LRRIQ1: variants seen among roughly 807,000 people sequenced by gnomAD.
LRRIQ1 encodes the protein leucine rich repeats and IQ motif containing 1.
Under a neutral mutation model 211.9 loss-of-function variants are expected in LRRIQ1, and 210 were observed. The observed-to-expected ratio is 0.99, with a 90% CI of 0.89 to 1.11. LRRIQ1 has a LOEUF of 1.11. LRRIQ1 is among the 50% of genes most tolerant of loss of function. LRRIQ1 has a pLI of 0.00. For missense variants in LRRIQ1, 2,136 were observed against 1,939.5 expected, an observed-to-expected ratio of 1.10 and a Z score of -1.90; for synonymous variants, 699 against 650.1, an observed-to-expected ratio of 1.08 and a Z score of -1.14.
chr12:85,257,102 TAA>T (rs1206980451), intron 1 of LRRIQ1, among the ~76,000 whole-genome samples: 2 of 113,234 alleles, frequency 1.8e-5, no homozygotes, highest in African/African-American at 3.2e-5. Flanking sequence ...TATAATTATA[TAA>T]ATATATATAA....
chr12:85,227,784 A>G (rs552740137), intron 24 of LRRIQ1, among the ~76,000 whole-genome samples: 5 of 152,188 alleles, frequency 3.3e-5, no homozygotes, highest in Non-Finnish European at 7.3e-5. Context: ...CTACAAGGCT[A>G]CAATAACCAC....
At chr12:85,115,863 C>T (rs1284259777) in intron 15 of LRRIQ1, among the ~76,000 whole-genome samples, 1 of 151,670 alleles carries the variant, frequency 6.6e-6, no homozygotes, top group Admixed American at 6.6e-5. Flanking sequence ...ATATATTTAT[C>T]TGTTCATTTT....
intron 19 of LRRIQ1, among the ~76,000 whole-genome samples, chr12:85,145,405 A>G (rs1175937455): frequency 6.6e-6 from 1 of 151,734 alleles, no homozygotes; most frequent in Non-Finnish European, 1.5e-5. Context: ...TTAACCACGA[A>G]CACTTACAAC....
intron 19 of LRRIQ1, among the ~76,000 whole-genome samples, chr12:85,152,011 A>C (rs888156672): frequency 1.3e-5 from 2 of 151,690 alleles, no homozygotes; most frequent in African/African-American, 4.8e-5. Flanking sequence ...ACAGTTAAAT[A>C]CACTGAAGAG....
intron 6 of LRRIQ1, among the ~76,000 whole-genome samples, chr12:85,049,019 G>T (rs901129749): frequency 1.3e-5 from 2 of 152,018 alleles, no homozygotes; most frequent in Non-Finnish European, 2.9e-5. Flanking sequence ...TTATTTTTTT[G>T]AAACTAATTT....
At chr12:85,052,383 A>T (rs541129483) in intron 7 of LRRIQ1, 132 bp downstream of exon 7, 1 of 458,456 alleles carries the variant, frequency 2.2e-6, no homozygotes, top group Non-Finnish European at 3.9e-6. Context: ...AGCATTAAAA[A>T]TTTATTAATC....
At chr12:85,237,936 G>GA (rs953954135) in intron 26 of LRRIQ1, among the ~76,000 whole-genome samples, 3 of 151,702 alleles carry the variant, frequency 2.0e-5, no homozygotes, top group Middle Eastern at 6.8e-3. Flanking sequence ...AGCCTTGTAA[G>GA]AAAAAAAATC....
intron 1 of LRRIQ1, among the ~76,000 whole-genome samples, chr12:85,036,906 G>T (rs150268836): frequency 6.6e-6 from 1 of 151,942 alleles, no homozygotes. Flanking sequence ...GCACTTTAAT[G>T]TAGCCCATTT....
chr12:85,107,185 C>T (rs967065916), intron 15 of LRRIQ1, among the ~76,000 whole-genome samples: 6 of 152,024 alleles, frequency 3.9e-5, no homozygotes, highest in Non-Finnish European at 5.9e-5. Context: ...TATACTAACA[C>T]GATTTCCCCC....
chr12:85,096,987 T>C (rs1885934031), intron 11 of LRRIQ1, among the ~76,000 whole-genome samples: 1 of 152,240 alleles, frequency 6.6e-6, no homozygotes, highest in Non-Finnish European at 1.5e-5. Flanking sequence ...ACTCCTGCTC[T>C]TCTATGTTTT....
intron 1 of LRRIQ1, among the ~76,000 whole-genome samples, chr12:85,037,467 T>G (rs1878276130): frequency 1.3e-5 from 2 of 152,172 alleles, no homozygotes; most frequent in South Asian, 4.1e-4. Flanking sequence ...TGGTTCTGTC[T>G]GGAGTTCCAT....
chr12:85,071,337 T>A (rs1257761074), intron 10 of LRRIQ1, among the ~76,000 whole-genome samples: 2 of 151,968 alleles, frequency 1.3e-5, no homozygotes, highest in African/African-American at 4.8e-5. Context: ...TGTCTTGCTT[T>A]TTTTACTTAA....
intron 15 of LRRIQ1, among the ~76,000 whole-genome samples, chr12:85,110,247 T>C (rs1312910190): frequency 6.6e-6 from 1 of 152,114 alleles, no homozygotes; most frequent in Non-Finnish European, 1.5e-5. Flanking sequence ...TAACCCATAA[T>C]TTTAAGACAT....
intron 24 of LRRIQ1, among the ~76,000 whole-genome samples, chr12:85,177,743 G>T (rs992586640): frequency 9.2e-5 from 14 of 152,020 alleles, no homozygotes; most frequent in African/African-American, 3.4e-4. Flanking sequence ...AGATAAAATG[G>T]TCAGATTTGT....
At chr12:85,069,972 T>G (rs932957798) in intron 10 of LRRIQ1, among the ~76,000 whole-genome samples, 18 of 152,202 alleles carry the variant, frequency 1.2e-4, no homozygotes, top group Non-Finnish European at 2.4e-4. Flanking sequence ...TTTTGGCTTT[T>G]GTTGCCATTG....
Position 85,198,092 on chromosome 12 carries a change from T to C in LRRIQ1, c.4823-31425T>C, listed in dbSNP as rs1237345491. ...ATTATTTATATATAATTTATTATAT[T>C]ATATATTATATTATTTATATATAAT... is the stretch of plus-strand genomic sequence containing the variant. On this transcript the variant is annotated intron_variant, in intron 24 of 26. Transcript: ENST00000393217. Among the ~76,000 whole-genome samples, 89 of 113,366 alleles carry C rather than the reference T, an allele frequency of 7.9e-4. 1 individual carries two copies. The highest frequency in any genetic ancestry group is 3.0e-3 in the African/African-American group (87 of 28,586). The allele number at this position is 113,366 out of a possible 152,430, so 74.4% of individuals were successfully genotyped here.
At chr12:85,046,171 T>C (rs1368444507) in intron 5 of LRRIQ1, 34 bp downstream of exon 5, 19 of 1,247,340 alleles carry the variant, frequency 1.5e-5, no homozygotes, top group Non-Finnish European at 2.2e-5. Context: ...TGTTTGTTGA[T>C]TTTTATATGA....
chr12:85,207,295 G>T (rs1228660386), intron 24 of LRRIQ1, among the ~76,000 whole-genome samples: 1 of 151,584 alleles, frequency 6.6e-6, no homozygotes, highest in Non-Finnish European at 1.5e-5. Flanking sequence ...TGTTTGAAGT[G>T]CACCAGTCTT....
At chr12:85,271,800 C>T in the LRRIQ1 span, among the ~76,000 whole-genome samples, 1 of 152,122 alleles carries the variant, frequency 6.6e-6, no homozygotes, top group African/African-American at 2.4e-5. Flanking sequence ...TTTGGGTTTG[C>T]ATCCATTAAT....
Sources: allele counts gnomAD v4.1 joint callset (sites outside exome capture counted in the v4.1 genomes callset), GRCh38; gene constraint gnomAD v4.1.1; transcripts MANE v1.5; gene names NCBI Gene and HGNC (gene_info 2026-07-23, HGNC 2026-07-21).